ARHGAP20: variants seen among roughly 807,000 people sequenced by gnomAD.
ARHGAP20 encodes rho GTPase-activating protein 20.
A neutral mutation model predicts 73.7 loss-of-function variants in ARHGAP20; 34 were observed. The observed-to-expected ratio is 0.46, with a 90% CI of 0.35 to 0.61. The LOEUF is 0.61. ARHGAP20 is among the 20% of genes least tolerant of loss of function. ARHGAP20 has a pLI of 0.00. For synonymous variants in ARHGAP20, 523 were observed against 518.2 expected (o/e 1.01, Z -0.13); for missense variants, 1,314 against 1,420.9 (o/e 0.92, Z 1.21).
chr11:110,633,760 G>A (rs1030050754), intron 2 of ARHGAP20, among the ~76,000 whole-genome samples: 1 of 152,166 alleles, frequency 6.6e-6, no homozygotes. Flanking sequence ...AGGAGGGAAA[G>A]CCTATTGTGG....
intron 9 of ARHGAP20, among the ~76,000 whole-genome samples, chr11:110,595,381 T>C (rs1409794834): frequency 1.3e-5 from 2 of 152,206 alleles, no homozygotes; most frequent in African/African-American, 4.8e-5. Context: ...CACGATTGTA[T>C]ATCTAGAAAA....
intron 12 of ARHGAP20, among the ~76,000 whole-genome samples, chr11:110,585,464 A>G (rs1281081315): frequency 6.6e-6 from 1 of 151,938 alleles, no homozygotes; most frequent in Non-Finnish European, 1.5e-5. Flanking sequence ...AAAGTTGTAG[A>G]TAATTCATAT....
chr11:110,656,054 G>A (rs1398067691), intron 2 of ARHGAP20, among the ~76,000 whole-genome samples: 1 of 152,142 alleles, frequency 6.6e-6, no homozygotes, highest in African/African-American at 2.4e-5. Context: ...TATAAAAGCA[G>A]GGGCCTTAGT....
chr11:110,582,017 T>G (rs1246854031), intron 14 of ARHGAP20, among the ~76,000 whole-genome samples: 1 of 152,064 alleles, frequency 6.6e-6, no homozygotes, highest in Non-Finnish European at 1.5e-5. Flanking sequence ...TTATATATAT[T>G]AGGGTTATTC....
chr11:110,629,751 C>G (rs1309645451), intron 3 of ARHGAP20, among the ~76,000 whole-genome samples: 1 of 152,220 alleles, frequency 6.6e-6, no homozygotes, highest in Non-Finnish European at 1.5e-5. Context: ...CCACAAGCCA[C>G]TGAGTAACTA....
At chr11:110,623,243 T>A (rs1413091279) in intron 4 of ARHGAP20, among the ~76,000 whole-genome samples, 1 of 152,214 alleles carries the variant, frequency 6.6e-6, no homozygotes, top group African/African-American at 2.4e-5. Flanking sequence ...TTTATGATGA[T>A]GTCCTAGGAG....
At chr11:110,644,599 T>G (rs1024904688) in intron 2 of ARHGAP20, among the ~76,000 whole-genome samples, 2 of 152,136 alleles carry the variant, frequency 1.3e-5, no homozygotes, top group Non-Finnish European at 2.9e-5. Context: ...GCTATCCATA[T>G]GTAGAATAAA....
chr11:110,601,295 C>CA (rs1006873759), intron 9 of ARHGAP20, among the ~76,000 whole-genome samples: 20 of 152,158 alleles, frequency 1.3e-4, no homozygotes, highest in African/African-American at 2.2e-4. Context: ...TACTATGTGC[C>CA]AAAAAAGAAG....
At chr11:110,634,492 T>C (rs948582824) in intron 2 of ARHGAP20, among the ~76,000 whole-genome samples, 2 of 152,148 alleles carry the variant, frequency 1.3e-5, no homozygotes, top group African/African-American at 4.8e-5. Context: ...AAAAATTCTA[T>C]GTAGTCTTTC....
At chr11:110,590,603 T>C (rs1466373030) in intron 11 of ARHGAP20, 45 bp downstream of exon 11, 1 of 1,535,776 alleles carries the variant, frequency 6.5e-7, no homozygotes, top group Non-Finnish European at 8.8e-7. Flanking sequence ...ACCCTCTTTC[T>C]CTAGAGCTAC....
intron 2 of ARHGAP20, among the ~76,000 whole-genome samples, chr11:110,685,468 T>A (rs1222174093): frequency 6.6e-6 from 1 of 150,802 alleles, no homozygotes; most frequent in Non-Finnish European, 1.5e-5. Context: ...AGAAACCACC[T>A]CCAGCAGCTC....
intron 3 of ARHGAP20, among the ~76,000 whole-genome samples, chr11:110,627,245 C>T (rs148919518): frequency 5.1e-4 from 77 of 152,148 alleles, no homozygotes; most frequent in African/African-American, 9.2e-4. Context: ...CCTGCCACTA[C>T]GCCCGGCTAA....
intron 1 of ARHGAP20, among the ~76,000 whole-genome samples, chr11:110,700,844 G>C (rs184083080): frequency 0.024 from 3,555 of 150,140 alleles, 146 homozygotes; most frequent in African/African-American, 0.083. Context: ...GCGGTGTTTG[G>C]TTTTTTGTTC....
At chr11:110,712,060 G>A in intron 1 of ARHGAP20, 67 bp downstream of exon 1, 1 of 1,248,248 alleles carries the variant, frequency 8.0e-7, no homozygotes, top group Admixed American at 4.3e-5. Flanking sequence ...TGGCGGGCGC[G>A]GAGGGCGCGC....
At chr11:110,691,627 G>C (rs569629377) in intron 1 of ARHGAP20, among the ~76,000 whole-genome samples, 1 of 152,296 alleles carries the variant, frequency 6.6e-6, no homozygotes, top group African/African-American at 2.4e-5. Context: ...GTAAAACAAT[G>C]ATCTTAGCAT....
intron 2 of ARHGAP20, among the ~76,000 whole-genome samples, chr11:110,679,247 A>G (rs1376581576): frequency 6.6e-6 from 1 of 152,196 alleles, no homozygotes; most frequent in Non-Finnish European, 1.5e-5. Context: ...AGCAATCAAG[A>G]AGGAAACTCC....
chr11:110,662,989 AG>A (rs1026019535), intron 2 of ARHGAP20, among the ~76,000 whole-genome samples: 21 of 152,028 alleles, frequency 1.4e-4, no homozygotes, highest in Non-Finnish European at 1.9e-4. Flanking sequence ...AAATTAGAAA[AG>A]TGTTGTAAAC....
chr11:110,653,914 A>G (rs10891156), intron 2 of ARHGAP20, among the ~76,000 whole-genome samples: 25,701 of 152,142 alleles, frequency 0.17, 2,250 homozygotes, highest in East Asian at 0.28. Context: ...TGTCCTTTGC[A>G]TGGACATGGA....
At chr11:110,645,270 A>G (rs901163681) in intron 2 of ARHGAP20, among the ~76,000 whole-genome samples, 1 of 152,056 alleles carries the variant, frequency 6.6e-6, no homozygotes, top group Admixed American at 6.6e-5. Flanking sequence ...CAGCCTCCCA[A>G]CAGTGCTGGG....
Sources: gnomAD v4.1 joint callset for allele counts (sites outside exome capture counted in the v4.1 genomes callset) on GRCh38, gnomAD v4.1.1 for gene constraint, MANE v1.5 for transcripts, NCBI Gene and HGNC (gene_info 2026-07-23, HGNC 2026-07-21) for gene names.